DLGAP1: variants seen among roughly 807,000 people sequenced by gnomAD.
The protein encoded by DLGAP1 is DLG associated protein 1.
Under a neutral mutation model 90.8 loss-of-function variants are expected in DLGAP1, and 11 were observed. The ratio of observed to expected loss-of-function variants is 0.12; its 90% CI spans 0.08 to 0.20. The LOEUF (loss-of-function observed/expected upper bound fraction) is 0.20. Among genes scored for constraint, DLGAP1 ranks in the 10% least tolerant of loss-of-function variants. The pLI is 1.00. For missense variants in DLGAP1, 1,050 were observed against 1,333.8 expected, an observed-to-expected ratio of 0.79 and a Z score of 3.31; for synonymous variants, 558 against 540.7, an observed-to-expected ratio of 1.03 and a Z score of -0.44.
At chr18:3,524,662 C>T (rs2051484471) in intron 10 of DLGAP1, among the ~76,000 whole-genome samples, 1 of 152,092 alleles carries the variant, frequency 6.6e-6, no homozygotes, top group Non-Finnish European at 1.5e-5. Flanking sequence ...GCAGGCAGAT[C>T]GCTTGAACCT....
chr18:4,106,153 G>A (rs2143937504), intron 2 of DLGAP1, among the ~76,000 whole-genome samples: 1 of 151,668 alleles, frequency 6.6e-6, no homozygotes, highest in Non-Finnish European at 1.5e-5. Context: ...CTCTAGCTCA[G>A]AGACAATACA....
At chr18:4,356,119 G>T (rs1308282013) in intron 1 of DLGAP1, among the ~76,000 whole-genome samples, 1 of 151,824 alleles carries the variant, frequency 6.6e-6, no homozygotes, top group Non-Finnish European at 1.5e-5. Context: ...TAGTCAGTTG[G>T]ACTCTGTCTT....
In DLGAP1 at chr18:3,730,477, C is replaced by CT. The variant is rs546273513; in HGVS notation, c.1351-1103_1351-1102insA. Among the ~76,000 whole-genome samples the CT allele has an allele frequency of 1.1e-3, 163 of 152,152 alleles. 2 individuals are homozygous for CT. The highest frequency in any genetic ancestry group is 3.8e-3 in the African/African-American group (158 of 41,508). On this transcript the variant is annotated intron_variant, in intron 6 of 12. Transcript: ENST00000315677. ...AAAAAATATTCCTGACTAGATGTTC[C>CT]AGTCAACTTCTCACTTTTTAGTTGA...
At chr18:4,333,948 C>G (rs1171112834) in intron 1 of DLGAP1, among the ~76,000 whole-genome samples, 1 of 151,160 alleles carries the variant, frequency 6.6e-6, no homozygotes, top group African/African-American at 2.4e-5. Context: ...ATAAAAGACC[C>G]ACACCTCAGG....
chr18:3,872,442 A>G (rs1047333912), intron 4 of DLGAP1, among the ~76,000 whole-genome samples: 4 of 152,122 alleles, frequency 2.6e-5, no homozygotes, highest in African/African-American at 9.7e-5. Flanking sequence ...GCAATTACCT[A>G]TTGTGGTTTT....
chr18:4,063,418 G>A (rs1162207619), intron 2 of DLGAP1, among the ~76,000 whole-genome samples: 2 of 152,014 alleles, frequency 1.3e-5, no homozygotes, highest in African/African-American at 4.8e-5. Context: ...CAGAAGAGAG[G>A]ATCTTTTATT....
intron 1 of DLGAP1, among the ~76,000 whole-genome samples, chr18:4,380,229 G>T (rs2082088369): frequency 6.6e-6 from 1 of 152,066 alleles, no homozygotes; most frequent in Admixed American, 6.6e-5. Flanking sequence ...TCACTTACTG[G>T]AAAATAAAAC....
At chr18:3,743,217 C>T (rs1055197288) in intron 5 of DLGAP1, among the ~76,000 whole-genome samples, 14 of 152,104 alleles carry the variant, frequency 9.2e-5, no homozygotes, top group Non-Finnish European at 8.8e-5. Flanking sequence ...AAGGTGGGTC[C>T]CTCTGTCTCC....
chr18:3,647,925 T>C (rs1791381), intron 7 of DLGAP1, among the ~76,000 whole-genome samples: 7,255 of 152,302 alleles, frequency 0.048, 607 homozygotes, highest in African/African-American at 0.17. Context: ...TACTGTTCTA[T>C]ACTTTCTTCC....
chr18:3,959,021 A>G (rs1198826559), intron 3 of DLGAP1, among the ~76,000 whole-genome samples: 1 of 152,208 alleles, frequency 6.6e-6, no homozygotes, highest in African/African-American at 2.4e-5. Context: ...TCTACCCACC[A>G]AAAGTTTGTG....
intron 2 of DLGAP1, among the ~76,000 whole-genome samples, chr18:4,053,728 C>T (rs1305036318): frequency 6.6e-6 from 1 of 152,168 alleles, no homozygotes; most frequent in Non-Finnish European, 1.5e-5. Context: ...CCAATTAAAC[C>T]TCTTATCTTT....
intron 4 of DLGAP1, among the ~76,000 whole-genome samples, chr18:3,851,511 C>A (rs1035006177): frequency 5.3e-5 from 8 of 152,138 alleles, no homozygotes; most frequent in Admixed American, 2.6e-4. Flanking sequence ...ATTCCCTCTA[C>A]AGGAACATTC....
At chr18:3,762,346 T>A (rs1396611480) in intron 5 of DLGAP1, among the ~76,000 whole-genome samples, 2 of 152,226 alleles carry the variant, frequency 1.3e-5, no homozygotes, top group African/African-American at 4.8e-5. Context: ...CAGTTTAAAT[T>A]GTACCAGGCA....
At chr18:3,853,177 T>C (rs1377836396) in intron 4 of DLGAP1, among the ~76,000 whole-genome samples, 2 of 152,178 alleles carry the variant, frequency 1.3e-5, no homozygotes, top group African/African-American at 2.4e-5. Context: ...TAAGTTGTTA[T>C]GGATATATTC....
intron 4 of DLGAP1, among the ~76,000 whole-genome samples, chr18:3,832,862 C>G (rs11662563): frequency 6.8e-6 from 1 of 147,612 alleles, no homozygotes; most frequent in Non-Finnish European, 1.5e-5. Context: ...AGCTTAGGTG[C>G]CCCCCCCATC....
chr18:3,617,767 G>A (rs1568313347), intron 7 of DLGAP1, among the ~76,000 whole-genome samples: 1 of 152,014 alleles, frequency 6.6e-6, no homozygotes, highest in Non-Finnish European at 1.5e-5. Context: ...GGGCATGGTG[G>A]CTCACTCCTG....
intron 1 of DLGAP1, among the ~76,000 whole-genome samples, chr18:4,442,039 T>C (rs184039821): frequency 6.6e-6 from 1 of 152,332 alleles, no homozygotes; most frequent in African/African-American, 2.4e-5. Context: ...TCGCCCAGGC[T>C]GGAGTGCAGT....
At position 3,897,956 on chromosome 18, in the gene DLGAP1, G is replaced by A. The variant is rs545538103; in HGVS notation, c.-72-17816C>T. ...ACTACAGGCGCCCGCCACCGCGCCC[G>A]GCTAATTTTTTGTATTTTTAGTAGA... On this transcript the variant is annotated intron_variant, in intron 3 of 12. Coordinates refer to ENST00000315677, the MANE Select transcript of DLGAP1 (RefSeq NM_004746.4). Among the ~76,000 whole-genome samples the A allele has an allele frequency of 2.4e-4, 37 of 151,290 alleles. No individual in the cohort carries two copies. In the South Asian group the frequency reaches 2.5e-3, roughly 10 times the overall value.
chr18:3,785,181 C>T (rs2065388968), intron 5 of DLGAP1, among the ~76,000 whole-genome samples: 1 of 152,216 alleles, frequency 6.6e-6, no homozygotes, highest in Admixed American at 6.5e-5. Flanking sequence ...CAAATTACCA[C>T]AAGCTTAGAG....
Sources: allele counts gnomAD v4.1 joint callset (sites outside exome capture counted in the v4.1 genomes callset), GRCh38; gene constraint gnomAD v4.1.1; transcripts MANE v1.5; gene names NCBI Gene and HGNC (gene_info 2026-07-23, HGNC 2026-07-21).